GLIPR2: variants seen among roughly 807,000 people sequenced by gnomAD.
The protein encoded by GLIPR2 is Golgi-associated plant pathogenesis-related protein 1.
Under a neutral mutation model 20.4 loss-of-function variants are expected in GLIPR2, and 21 were observed. The observed-to-expected ratio is 1.03, with a 90% CI of 0.73 to 1.48. The LOEUF is 1.48. Ranked by LOEUF, GLIPR2 falls within the 40% of genes most tolerant of loss-of-function variation. The pLI is 0.00. For missense variants in GLIPR2, 205 were observed against 200.1 expected, an observed-to-expected ratio of 1.02 and a Z score of -0.15; for synonymous variants, 91 against 80.5, an observed-to-expected ratio of 1.13 and a Z score of -0.70.
chr9:36,140,965 C>T (rs562044191), intron 1 of GLIPR2, among the ~76,000 whole-genome samples: 2 of 152,224 alleles, frequency 1.3e-5, no homozygotes, highest in African/African-American at 4.8e-5. Flanking sequence ...CTGAAAAAGG[C>T]CATCAAACGT....
intron 3 of GLIPR2, among the ~76,000 whole-genome samples, chr9:36,148,924 G>A (rs772319492): frequency 2.4e-4 from 36 of 152,176 alleles, no homozygotes; most frequent in Non-Finnish European, 4.0e-4. Context: ...CTCCCAGGCC[G>A]AGGAGTGGGG....
chr9:36,138,431 G>A (rs1029739067), intron 1 of GLIPR2, among the ~76,000 whole-genome samples: 1 of 152,084 alleles, frequency 6.6e-6, no homozygotes, highest in Non-Finnish European at 1.5e-5. Flanking sequence ...CACCGTGTTG[G>A]TCAGGCTGGT....
intron 4 of GLIPR2, among the ~76,000 whole-genome samples, chr9:36,156,153 T>A (rs1157158315): frequency 6.6e-6 from 1 of 152,144 alleles, no homozygotes; most frequent in Admixed American, 6.5e-5. Flanking sequence ...AAGGTTTCAG[T>A]AAGCCAAGAT....
At chr9:36,156,078 C>T (rs147466484) in intron 4 of GLIPR2, among the ~76,000 whole-genome samples, 122 of 152,168 alleles carry the variant, frequency 8.0e-4, no homozygotes, top group African/African-American at 2.6e-3. Context: ...GGCATGGTGG[C>T]GCACGCCTGT....
intron 4 of GLIPR2, among the ~76,000 whole-genome samples, chr9:36,158,734 G>C (rs1435241833): frequency 1.3e-5 from 2 of 152,216 alleles, no homozygotes; most frequent in Non-Finnish European, 2.9e-5. Context: ...AAACCATAAA[G>C]ATGGAAGGGA....
rs1313201921 is a variant in GLIPR2 at position 36,162,625 on chromosome 9, C to G, written c.*103C>G. 1.8e-6 allele frequency: 2 copies of G among 1,136,392 alleles called. No homozygotes were observed. The highest frequency in any genetic ancestry group is 3.1e-5 in the African/African-American group (2 of 64,404). 70.4% of individuals were successfully genotyped at this position (1,136,392 alleles called of 1,614,324 possible). ...GCGTCTGTCCCTGTGGGTGTATGTGCTTGTGTGTGTGATGCATGTGAGCGT... is the reference window on the plus strand; with the variant it reads ...GCGTCTGTCCCTGTGGGTGTATGTGGTTGTGTGTGTGATGCATGTGAGCGT... On this transcript the variant is annotated 3_prime_UTR_variant, in exon 5 of 5. Transcript: ENST00000377960.
At chr9:36,145,205 A>G (rs1825270387) in intron 1 of GLIPR2, among the ~76,000 whole-genome samples, 1 of 152,148 alleles carries the variant, frequency 6.6e-6, no homozygotes, top group Non-Finnish European at 1.5e-5. Context: ...ACTCACCCCC[A>G]TTTCCAGAGA....
chr9:36,156,979 G>A (rs763088843), intron 4 of GLIPR2, among the ~76,000 whole-genome samples: 3 of 151,888 alleles, frequency 2.0e-5, no homozygotes, highest in Non-Finnish European at 2.9e-5. Context: ...CCTTATTAGA[G>A]CACGTGTCAG....
rs1825411849 is a variant in GLIPR2 at position 36,148,039 on chromosome 9, G to C, written c.122+145G>C. Reference sequence around the variant, plus strand: ...AAGGCGGGCGGATCACCTGAGGTCAGGAGTTCAAGACTGGCCTGGCCAATA... The same window carrying C: ...AAGGCGGGCGGATCACCTGAGGTCACGAGTTCAAGACTGGCCTGGCCAATA... On this transcript the variant is annotated intron_variant, in intron 2 of 4. Coordinates refer to ENST00000377960, the MANE Select transcript of GLIPR2 (RefSeq NM_022343.4). The C allele has an allele frequency of 1.8e-5, 12 of 674,020 alleles. No homozygotes were observed. The South Asian group carries it at 1.8e-4, about 10-fold the overall frequency. The allele number at this position is 674,020 out of a possible 1,614,324, so 41.8% of individuals were successfully genotyped here.
At chr9:36,141,064 T>C (rs1214226496) in intron 1 of GLIPR2, among the ~76,000 whole-genome samples, 1 of 152,256 alleles carries the variant, frequency 6.6e-6, no homozygotes, top group African/African-American at 2.4e-5. Flanking sequence ...TTTCTGTCCC[T>C]GTCCGATGGT....
intron 1 of GLIPR2, among the ~76,000 whole-genome samples, chr9:36,142,692 G>A (rs188390059): frequency 2.6e-5 from 4 of 152,240 alleles, no homozygotes; most frequent in Admixed American, 6.5e-5. Flanking sequence ...GGAGATGGAC[G>A]ACTTTTCTTT....
intron 4 of GLIPR2, among the ~76,000 whole-genome samples, chr9:36,157,305 G>T (rs73438845): frequency 0.21 from 31,777 of 150,794 alleles, 3,476 homozygotes; most frequent in South Asian, 0.29. Flanking sequence ...TGAGAATACA[G>T]GCATGATCCA....
Position 36,162,773 on chromosome 9 carries a change from G to T in GLIPR2, c.*251G>T. On this transcript the variant is annotated 3_prime_UTR_variant, in exon 5 of 5. Coordinates refer to ENST00000377960, the MANE Select transcript of GLIPR2 (RefSeq NM_022343.4). ...CGATTATTTGGATTGGGGGGAGGGG[G>T]GATCCGTTTTTTTTTTTTAATTTTT... The T allele has an allele frequency of 3.5e-6, 2 of 570,924 alleles. No individual in the cohort carries two copies. Among genetic ancestry groups the T allele is most frequent in the Non-Finnish European group, 6.2e-6 (2 of 321,014 alleles). 35.4% of individuals were successfully genotyped at this position (570,924 alleles called of 1,614,324 possible). A position where few individuals can be genotyped will look rare whatever the true frequency, so the allele number is the denominator to read the frequency against.
chr9:36,152,571 G>A (rs1245606633), intron 4 of GLIPR2, among the ~76,000 whole-genome samples: 1 of 151,706 alleles, frequency 6.6e-6, no homozygotes, highest in Non-Finnish European at 1.5e-5. Context: ...CCAACATGGT[G>A]AAACCCCGTC....
intron 4 of GLIPR2, among the ~76,000 whole-genome samples, chr9:36,161,800 G>A (rs1198418263): frequency 6.6e-6 from 1 of 152,192 alleles, no homozygotes; most frequent in Non-Finnish European, 1.5e-5. Context: ...AATTGTTGGG[G>A]CCACTGGGCT....
chr9:36,138,610 C>T (rs539186489), intron 1 of GLIPR2, among the ~76,000 whole-genome samples: 98 of 152,272 alleles, frequency 6.4e-4, no homozygotes, highest in African/African-American at 1.9e-3. Context: ...TCTGTCTGTT[C>T]GCCCCTTCCT....
At chr9:36,149,765 C>T (rs548324717) in intron 3 of GLIPR2, among the ~76,000 whole-genome samples, 1 of 152,190 alleles carries the variant, frequency 6.6e-6, no homozygotes, top group Non-Finnish European at 1.5e-5. Context: ...CAGTAGCTCA[C>T]GCCTGCAATC....
Position 36,148,655 on chromosome 9 carries a change from G to T in GLIPR2, c.226+5G>T. ...GGGCATCCTATGATCAGACAGGTGG[G>T]TCGCATTTTCAGCTCCTCTCCTCTC... On this transcript the variant is annotated splice_donor_5th_base_variant and intron_variant, in intron 3 of 4. Transcript: ENST00000377960. 1 of 1,601,140 alleles carries T rather than the reference G, an allele frequency of 6.2e-7. No individual in the cohort carries two copies.
Position 36,162,780 on chromosome 9 carries a change from T to A in GLIPR2, c.*258T>A. ...TTGGATTGGGGGGAGGGGGGATCCG[T>A]TTTTTTTTTTTAATTTTTTGTTATT... On this transcript the variant is annotated 3_prime_UTR_variant, in exon 5 of 5. Transcript: ENST00000377960. The A allele has an allele frequency of 3.4e-6, 1 of 293,330 alleles. No homozygotes were observed. The highest frequency in any genetic ancestry group is 6.5e-6 in the Non-Finnish European group (1 of 154,540). The allele number at this position is 293,330 out of a possible 1,614,324, so 18.2% of individuals were successfully genotyped here. A position where few individuals can be genotyped will look rare whatever the true frequency, so the allele number is the denominator to read the frequency against.
Sources: gnomAD v4.1 joint callset for allele counts (sites outside exome capture counted in the v4.1 genomes callset) on GRCh38, gnomAD v4.1.1 for gene constraint, MANE v1.5 for transcripts, NCBI Gene and HGNC (gene_info 2026-07-23, HGNC 2026-07-21) for gene names.